The following POU2F1 variants were observed in gnomAD, a reference collection of about 807,000 sequenced individuals.
The protein encoded by POU2F1 is POU domain, class 2, transcription factor 1.
Under a neutral mutation model 84.9 loss-of-function variants are expected in POU2F1, and 16 were observed. The observed-to-expected ratio is 0.19, with a 90% confidence interval of 0.13 to 0.29. The LOEUF (loss-of-function observed/expected upper bound fraction) is 0.29, where lower values mean the gene tolerates loss of function less well. Ranked by LOEUF, POU2F1 falls within the 10% of genes least tolerant of loss-of-function variation. The pLI, the probability that POU2F1 is intolerant of heterozygous loss-of-function variation, is 1.00. For missense variants in POU2F1, 738 were observed against 942.6 expected (o/e 0.78, Z 2.84); for synonymous variants, 368 against 368.3 (o/e 1.00, Z 0.01).
At chr1:167,412,918 A>G (rs1413743524) in intron 14 of POU2F1, 108 bp from the exon 15 acceptor site, 11 of 816,092 alleles carry the variant, frequency 1.3e-5, no homozygotes, top group Non-Finnish European at 2.0e-5. Context: ...AAATATTTCC[A>G]CCTATTTCCC....
At chr1:167,240,162 A>C (rs1401433893) in intron 1 of POU2F1, among the ~76,000 whole-genome samples, 1 of 152,198 alleles carries the variant, frequency 6.6e-6, no homozygotes, top group African/African-American at 2.4e-5. Context: ...AATTTTTCTT[A>C]CTATATCAAG....
intron 1 of POU2F1, among the ~76,000 whole-genome samples, chr1:167,242,312 G>A (rs982526136): frequency 1.3e-5 from 2 of 152,214 alleles, no homozygotes; most frequent in African/African-American, 4.8e-5. Context: ...TCAGCACTAT[G>A]AGCAGTGATA....
chr1:167,257,990 T>G (rs429324), intron 1 of POU2F1: 112,269 of 151,770 alleles, frequency 0.74, 41,679 homozygotes, highest in East Asian at 0.87. Context: ...TCACTATGTT[T>G]CCAGGCTAGA....
At chr1:167,402,814 G>A (rs1649301856) in intron 13 of POU2F1, among the ~76,000 whole-genome samples, 1 of 152,194 alleles carries the variant, frequency 6.6e-6, no homozygotes, top group Admixed American at 6.5e-5. Flanking sequence ...AGAATGTGAA[G>A]AACCATCTCT....
At chr1:167,325,458 A>G (rs565137941) in intron 1 of POU2F1, among the ~76,000 whole-genome samples, 2 of 152,350 alleles carry the variant, frequency 1.3e-5, no homozygotes, top group Non-Finnish European at 2.9e-5. Flanking sequence ...AAGGTAGAAT[A>G]TAGGCCGATC....
At chr1:167,378,322 G>A (rs549011617) in intron 7 of POU2F1, among the ~76,000 whole-genome samples, 3 of 150,770 alleles carry the variant, frequency 2.0e-5, no homozygotes, top group Non-Finnish European at 3.0e-5. Context: ...CGCAACCTCC[G>A]CCTCCCAGGT....
At chr1:167,336,436 T>G (rs534096606) in intron 2 of POU2F1, among the ~76,000 whole-genome samples, 1 of 152,214 alleles carries the variant, frequency 6.6e-6, no homozygotes, top group East Asian at 1.9e-4. Context: ...GCATCCTGTT[T>G]AGTGCAATAA....
chr1:167,348,987 T>G (rs1281711351), intron 2 of POU2F1, among the ~76,000 whole-genome samples: 3 of 152,192 alleles, frequency 2.0e-5, no homozygotes, highest in Non-Finnish European at 2.9e-5. Context: ...TTTGTATTAC[T>G]TATTTACTTG....
intron 13 of POU2F1, among the ~76,000 whole-genome samples, chr1:167,404,341 A>G (rs950640609): frequency 1.3e-5 from 2 of 152,048 alleles, no homozygotes; most frequent in African/African-American, 4.8e-5. Context: ...GTTTTTCCTG[A>G]CATTGTGTAG....
At chr1:167,326,349 T>C (rs2101712486) in intron 1 of POU2F1, among the ~76,000 whole-genome samples, 1 of 152,354 alleles carries the variant, frequency 6.6e-6, no homozygotes, top group South Asian at 2.1e-4. Flanking sequence ...TCTTTGCTAT[T>C]ATTTCAGACA....
intron 1 of POU2F1, among the ~76,000 whole-genome samples, chr1:167,243,930 C>T (rs555469809): frequency 6.6e-6 from 1 of 152,202 alleles, no homozygotes; most frequent in African/African-American, 2.4e-5. Flanking sequence ...TTGTTTTTTT[C>T]CCCTCTTATC....
At position 167,421,098 on chromosome 1, in the gene POU2F1, C is replaced by A. The variant is rs757952352; in HGVS notation, c.*5288C>A. 6.6e-6 allele frequency: 1 copy of A among 152,152 alleles called. No homozygotes were observed. The highest frequency in any genetic ancestry group is 1.5e-5 in the Non-Finnish European group (1 of 68,022). The allele number at this position is 152,152 out of a possible 1,614,324, so 9.4% of individuals were successfully genotyped here. A position where few individuals can be genotyped will look rare whatever the true frequency, so the allele number is the denominator to read the frequency against. ...TGTGTGATGCTGTTCATAGTCCTGG[C>A]TATTTGATGTCATTTTCAGTTTTAC... On this transcript the variant is annotated 3_prime_UTR_variant, in exon 16 of 16. Coordinates refer to ENST00000367866, the MANE Select transcript of POU2F1 (RefSeq NM_002697.4).
chr1:167,387,381 A>T (rs2101888156), intron 8 of POU2F1: 1 of 370,658 alleles, frequency 2.7e-6, no homozygotes, highest in East Asian at 7.3e-5. Context: ...GTACAGCTAC[A>T]TAGGGGTCTG....
chr1:167,288,258 A>G (rs918023323), intron 1 of POU2F1, among the ~76,000 whole-genome samples: 1 of 152,138 alleles, frequency 6.6e-6, no homozygotes, highest in African/African-American at 2.4e-5. Context: ...GCTAACAGAT[A>G]TATTATTCAC....
At chr1:167,343,551 A>C (rs1422975813) in intron 2 of POU2F1, among the ~76,000 whole-genome samples, 1 of 151,900 alleles carries the variant, frequency 6.6e-6, no homozygotes, top group Non-Finnish European at 1.5e-5. Context: ...TGAAGCCAAA[A>C]ACTAGACTAC....
chr1:167,401,586 G>T, intron 13 of POU2F1, 30 bp downstream of exon 13: 1 of 1,481,182 alleles, frequency 6.8e-7, no homozygotes, highest in Non-Finnish European at 9.2e-7. Flanking sequence ...TGCACCTGCT[G>T]AGCACATGGG....
intron 1 of POU2F1, among the ~76,000 whole-genome samples, chr1:167,239,111 C>G (rs1649718613): frequency 6.6e-6 from 1 of 152,144 alleles, no homozygotes; most frequent in Non-Finnish European, 1.5e-5. Context: ...GCCAACTGTC[C>G]TAACACTACC....
At chr1:167,369,159 T>G (rs1471854664) in intron 3 of POU2F1, among the ~76,000 whole-genome samples, 3 of 152,154 alleles carry the variant, frequency 2.0e-5, no homozygotes, top group African/African-American at 7.2e-5. Flanking sequence ...CAGTGTACAC[T>G]GGTTATTTTG....
intron 10 of POU2F1, among the ~76,000 whole-genome samples, chr1:167,397,776 C>T (rs1211583852): frequency 1.3e-5 from 2 of 152,114 alleles, no homozygotes; most frequent in Non-Finnish European, 1.5e-5. Flanking sequence ...AACTCCTGAC[C>T]TCAAGTGATC....
Sources: gnomAD v4.1 joint callset for allele counts (sites outside exome capture counted in the v4.1 genomes callset) on GRCh38, gnomAD v4.1.1 for gene constraint, MANE v1.5 for transcripts, NCBI Gene and HGNC (gene_info 2026-07-23, HGNC 2026-07-21) for gene names.